UNC5D: variants seen among roughly 807,000 people sequenced by gnomAD.
UNC5D encodes netrin receptor UNC5D.
A neutral mutation model predicts 105.4 loss-of-function variants in UNC5D; 39 were observed. The observed-to-expected ratio is 0.37, with a 90% CI of 0.29 to 0.48. The LOEUF (loss-of-function observed/expected upper bound fraction) is 0.48, where lower values mean the gene tolerates loss of function less well. Ranked by LOEUF, UNC5D falls within the 20% of genes least tolerant of loss-of-function variation. The pLI, the probability that UNC5D is intolerant of heterozygous loss-of-function variation, is 0.98. For synonymous variants in UNC5D, 452 were observed against 450.4 expected (o/e 1.00, Z -0.04); for missense variants, 991 against 1,202.4 (o/e 0.82, Z 2.60).
chr8:35,634,048 G>C (rs1022802277), intron 4 of UNC5D, among the ~76,000 whole-genome samples: 2 of 152,130 alleles, frequency 1.3e-5, no homozygotes, highest in Non-Finnish European at 2.9e-5. Context: ...AAAAATACTG[G>C]CATTTGATTT....
chr8:35,413,206 T>C (rs1384419765), intron 1 of UNC5D, among the ~76,000 whole-genome samples: 1 of 151,550 alleles, frequency 6.6e-6, no homozygotes, highest in Admixed American at 6.6e-5. Flanking sequence ...TCCTGCATCT[T>C]AGATTTCTGA....
chr8:35,359,425 A>G (rs1268089782), intron 1 of UNC5D, among the ~76,000 whole-genome samples: 1 of 152,168 alleles, frequency 6.6e-6, no homozygotes, highest in South Asian at 2.1e-4. Context: ...CTTTGAATGT[A>G]TCTTTATTCG....
chr8:35,678,591 T>C (rs1825435514), intron 4 of UNC5D, among the ~76,000 whole-genome samples: 1 of 152,196 alleles, frequency 6.6e-6, no homozygotes, highest in Non-Finnish European at 1.5e-5. Context: ...CATATGTTTA[T>C]TATTGTTTTT....
chr8:35,706,671 C>A (rs745741383), intron 8 of UNC5D, among the ~76,000 whole-genome samples: 4 of 152,064 alleles, frequency 2.6e-5, no homozygotes, highest in Non-Finnish European at 5.9e-5. Flanking sequence ...CTCTATTTTT[C>A]AAAGCTCCTC....
chr8:35,725,020 T>C (rs1466345332), intron 9 of UNC5D, among the ~76,000 whole-genome samples: 1 of 152,234 alleles, frequency 6.6e-6, no homozygotes, highest in African/African-American at 2.4e-5. Context: ...CCTCTGTGAT[T>C]CTGGATTCTT....
chr8:35,522,376 A>G (rs1813544426), intron 1 of UNC5D, among the ~76,000 whole-genome samples: 1 of 152,110 alleles, frequency 6.6e-6, no homozygotes, highest in South Asian at 2.1e-4. Flanking sequence ...CTCAAAGATA[A>G]ATGTTTCATT....
At chr8:35,344,265 G>A (rs1411653365) in intron 1 of UNC5D, among the ~76,000 whole-genome samples, 2 of 152,014 alleles carry the variant, frequency 1.3e-5, no homozygotes, top group African/African-American at 4.8e-5. Flanking sequence ...CATCAGACCC[G>A]GCTGACCTTC....
chr8:35,782,092 T>C (rs1479577117), intron 16 of UNC5D, among the ~76,000 whole-genome samples: 1 of 152,218 alleles, frequency 6.6e-6, no homozygotes, highest in Non-Finnish European at 1.5e-5. Context: ...AACTATATAG[T>C]GCTCATCTCT....
At chr8:35,605,104 G>A (rs956830180) in intron 4 of UNC5D, among the ~76,000 whole-genome samples, 1 of 152,184 alleles carries the variant, frequency 6.6e-6, no homozygotes, top group African/African-American at 2.4e-5. Context: ...CGTTCCTTTG[G>A]AGGAGGAGAG....
chr8:35,461,401 T>G (rs1808886917), intron 1 of UNC5D, among the ~76,000 whole-genome samples: 1 of 152,152 alleles, frequency 6.6e-6, no homozygotes, highest in South Asian at 2.1e-4. Context: ...ATACTCAGGT[T>G]GCACTTGGAA....
At chr8:35,419,465 C>G (rs1180296915) in intron 1 of UNC5D, among the ~76,000 whole-genome samples, 1 of 152,194 alleles carries the variant, frequency 6.6e-6, no homozygotes, top group Non-Finnish European at 1.5e-5. Flanking sequence ...GTGCCAGCAT[C>G]TGGATGAGGG....
At chr8:35,442,934 A>T (rs1168569609) in intron 1 of UNC5D, among the ~76,000 whole-genome samples, 1 of 148,242 alleles carries the variant, frequency 6.7e-6, no homozygotes, top group Non-Finnish European at 1.5e-5. Flanking sequence ...ACACACACAC[A>T]CAACACACAC....
chr8:35,367,363 C>T (rs927336101), intron 1 of UNC5D, among the ~76,000 whole-genome samples: 18 of 152,120 alleles, frequency 1.2e-4, no homozygotes, highest in African/African-American at 4.3e-4. Flanking sequence ...TTTATTATTT[C>T]CTGTCTACAG....
At chr8:35,500,278 G>T (rs1189860123) in intron 1 of UNC5D, among the ~76,000 whole-genome samples, 1 of 152,142 alleles carries the variant, frequency 6.6e-6, no homozygotes, top group Non-Finnish European at 1.5e-5. Context: ...ATGGTGGAGG[G>T]CATTATATGG....
chr8:35,493,909 A>C (rs373717620), intron 1 of UNC5D, among the ~76,000 whole-genome samples: 3 of 152,262 alleles, frequency 2.0e-5, no homozygotes, highest in South Asian at 2.1e-4. Context: ...TAAGCAAAGG[A>C]AACATATATG....
intron 10 of UNC5D, chr8:35,726,846 G>T: frequency 3.2e-6 from 1 of 315,158 alleles, no homozygotes; most frequent in Non-Finnish European, 5.9e-6. Context: ...GGCATGATAA[G>T]AAAGCACTGA....
chr8:35,561,456 G>C (rs1300028118), intron 2 of UNC5D, among the ~76,000 whole-genome samples: 1 of 152,100 alleles, frequency 6.6e-6, no homozygotes, highest in Non-Finnish European at 1.5e-5. Context: ...CAGGACCTGT[G>C]AGTGTCAACT....
rs554097300 is a variant in UNC5D at position 35,542,271 on chromosome 8, G to A, written c.104-7021G>A. 2.8e-4 allele frequency among the ~76,000 whole-genome samples: 43 copies of A among 152,270 alleles called. 2 individuals carry two copies. Among genetic ancestry groups the A allele is most frequent in the Middle Eastern group, 3.4e-3 (1 of 294 alleles). On this transcript the variant is annotated intron_variant, in intron 1 of 16. Coordinates refer to ENST00000404895, the MANE Select transcript of UNC5D (RefSeq NM_080872.4). Reference sequence around the variant, plus strand: ...GCATTAAATGGGCGAAATGCATCCCGTATCTAATTAAGTAACCATATGGAG... The same window carrying A: ...GCATTAAATGGGCGAAATGCATCCCATATCTAATTAAGTAACCATATGGAG...
intron 4 of UNC5D, among the ~76,000 whole-genome samples, chr8:35,630,515 C>T (rs2131075225): frequency 6.6e-6 from 1 of 152,310 alleles, no homozygotes; most frequent in East Asian, 1.9e-4. Context: ...GTCCTTTTCT[C>T]TCTCCGTGTG....
Sources: gnomAD v4.1 joint callset for allele counts (sites outside exome capture counted in the v4.1 genomes callset) on GRCh38, gnomAD v4.1.1 for gene constraint, MANE v1.5 for transcripts, NCBI Gene and HGNC (gene_info 2026-07-23, HGNC 2026-07-21) for gene names.